ZSWIM6: variants seen among roughly 807,000 people sequenced by gnomAD.
The protein encoded by ZSWIM6 is zinc finger SWIM domain-containing protein 6.
A neutral mutation model predicts 113.2 loss-of-function variants in ZSWIM6; 9 were observed. The observed-to-expected ratio is 0.08, with a 90% CI of 0.05 to 0.14. The LOEUF is 0.14. ZSWIM6 is among the 10% of genes least tolerant of loss of function. The pLI, the probability that ZSWIM6 is intolerant of heterozygous loss-of-function variation, is 1.00. For synonymous variants in ZSWIM6, 611 were observed against 606.5 expected (o/e 1.01, Z -0.11); for missense variants, 1,162 against 1,552.2 (o/e 0.75, Z 4.22).
intron 5 of ZSWIM6, among the ~76,000 whole-genome samples, chr5:61,522,274 G>C (rs1016713224): frequency 6.6e-6 from 1 of 151,936 alleles, no homozygotes; most frequent in Non-Finnish European, 1.5e-5. Flanking sequence ...CTTGCCAATA[G>C]AAATTTTATT....
intron 1 of ZSWIM6, among the ~76,000 whole-genome samples, chr5:61,359,268 T>C (rs1244495463): frequency 6.6e-6 from 1 of 151,782 alleles, no homozygotes. Flanking sequence ...AGGATGCAAA[T>C]AGGAGACAGG....
At chr5:61,420,535 G>A (rs192004346) in intron 1 of ZSWIM6, among the ~76,000 whole-genome samples, 22 of 152,052 alleles carry the variant, frequency 1.4e-4, no homozygotes, top group African/African-American at 5.3e-4. Context: ...ATGGTGTTAA[G>A]CATTATCCAT....
At chr5:61,501,317 AAGAG>A (rs1194183519) in intron 4 of ZSWIM6, among the ~76,000 whole-genome samples, 1 of 152,202 alleles carries the variant, frequency 6.6e-6, no homozygotes, top group African/African-American at 2.4e-5. Context: ...AGTAAACCAA[AAGAG>A]AGAATGTATG....
chr5:61,434,071 A>G (rs2112138734), intron 1 of ZSWIM6, among the ~76,000 whole-genome samples: 1 of 147,272 alleles, frequency 6.8e-6, no homozygotes, highest in African/African-American at 2.5e-5. Context: ...ATAATAAAAT[A>G]TATGTATAAA....
intron 4 of ZSWIM6, among the ~76,000 whole-genome samples, chr5:61,506,358 G>A (rs1486678284): frequency 6.6e-6 from 1 of 152,050 alleles, no homozygotes; most frequent in Non-Finnish European, 1.5e-5. Context: ...CGAGGCGGGT[G>A]GATTACCTGA....
intron 1 of ZSWIM6, among the ~76,000 whole-genome samples, chr5:61,358,527 A>G (rs1047235157): frequency 6.6e-6 from 1 of 152,262 alleles, no homozygotes; most frequent in Non-Finnish European, 1.5e-5. Flanking sequence ...AATAAAATCT[A>G]ATATTTACGA....
chr5:61,452,531 G>A (rs568244231), intron 1 of ZSWIM6, among the ~76,000 whole-genome samples: 6 of 152,184 alleles, frequency 3.9e-5, no homozygotes, highest in African/African-American at 1.4e-4. Context: ...TTAGATGTTT[G>A]TGACCTTTTT....
chr5:61,467,034 C>T (rs1176465865), intron 1 of ZSWIM6, among the ~76,000 whole-genome samples: 1 of 152,120 alleles, frequency 6.6e-6, no homozygotes, highest in Non-Finnish European at 1.5e-5. Flanking sequence ...GTCTTTTTGA[C>T]CTACTATAAG....
chr5:61,349,618 C>T (rs1031648218), intron 1 of ZSWIM6, among the ~76,000 whole-genome samples: 6 of 151,510 alleles, frequency 4.0e-5, no homozygotes, highest in Non-Finnish European at 8.8e-5. Flanking sequence ...TCTCATTTGA[C>T]GAGACCTTTT....
At chr5:61,462,295 G>A (rs541997412) in intron 1 of ZSWIM6, among the ~76,000 whole-genome samples, 2 of 152,258 alleles carry the variant, frequency 1.3e-5, no homozygotes, top group African/African-American at 4.8e-5. Flanking sequence ...TCACATGGAA[G>A]GCAAACATTA....
At chr5:61,380,075 T>C (rs1243446953) in intron 1 of ZSWIM6, among the ~76,000 whole-genome samples, 1 of 152,036 alleles carries the variant, frequency 6.6e-6, no homozygotes, top group Admixed American at 6.6e-5. Flanking sequence ...CATACTAGAT[T>C]TCTTTTTTTT....
chr5:61,464,498 T>C (rs1055752406), intron 1 of ZSWIM6, among the ~76,000 whole-genome samples: 1 of 152,134 alleles, frequency 6.6e-6, no homozygotes. Flanking sequence ...GGGAATATGA[T>C]GCCTGCTTTG....
At chr5:61,440,609 G>T (rs1440063276) in intron 1 of ZSWIM6, among the ~76,000 whole-genome samples, 1 of 152,172 alleles carries the variant, frequency 6.6e-6, no homozygotes, top group Admixed American at 6.5e-5. Flanking sequence ...AATAAACCTT[G>T]CTTTTAAAAA....
intron 1 of ZSWIM6, among the ~76,000 whole-genome samples, chr5:61,402,893 A>G (rs1472530812): frequency 6.6e-6 from 1 of 152,200 alleles, no homozygotes; most frequent in Non-Finnish European, 1.5e-5. Flanking sequence ...TCATTTTTGT[A>G]TGTAATTTAA....
intron 4 of ZSWIM6, among the ~76,000 whole-genome samples, chr5:61,506,525 G>T (rs1312030638): frequency 6.6e-6 from 1 of 151,718 alleles, no homozygotes; most frequent in Non-Finnish European, 1.5e-5. Flanking sequence ...AATGAGCCAA[G>T]ATCACGCCAC....
chr5:61,436,289 G>A (rs1326246780), intron 1 of ZSWIM6, among the ~76,000 whole-genome samples: 1 of 151,814 alleles, frequency 6.6e-6, no homozygotes, highest in Non-Finnish European at 1.5e-5. Context: ...TGCTTTAACT[G>A]AACAATACAG....
chr5:61,444,911 A>G (rs1222461134), intron 1 of ZSWIM6, among the ~76,000 whole-genome samples: 2 of 152,208 alleles, frequency 1.3e-5, no homozygotes, highest in Non-Finnish European at 2.9e-5. Context: ...TTCAAGATTT[A>G]GCAGGAGTGG....
intron 1 of ZSWIM6, among the ~76,000 whole-genome samples, chr5:61,434,578 A>G (rs1437336219): frequency 6.6e-6 from 1 of 152,150 alleles, no homozygotes; most frequent in Non-Finnish European, 1.5e-5. Context: ...CACTTAGAAC[A>G]GTGGTGTTGA....
chr5:61,341,017 A>G (rs1434714574), intron 1 of ZSWIM6, among the ~76,000 whole-genome samples: 4 of 152,276 alleles, frequency 2.6e-5, no homozygotes, highest in Non-Finnish European at 5.9e-5. Flanking sequence ...GTCCTTGAAT[A>G]ACATTGTGTC....
Sources: allele counts gnomAD v4.1 joint callset (sites outside exome capture counted in the v4.1 genomes callset), GRCh38; gene constraint gnomAD v4.1.1; transcripts MANE v1.5; gene names NCBI Gene and HGNC (gene_info 2026-07-23, HGNC 2026-07-21).